The following ZCCHC7 variants were observed in gnomAD, a reference collection of about 807,000 sequenced individuals.
ZCCHC7 encodes zinc finger CCHC domain-containing protein 7.
Under a neutral mutation model 52.0 loss-of-function variants are expected in ZCCHC7, and 35 were observed. The observed-to-expected ratio is 0.67, with a 90% CI of 0.51 to 0.89. The LOEUF (loss-of-function observed/expected upper bound fraction) is 0.89, where lower values mean the gene tolerates loss of function less well. Ranked by LOEUF, ZCCHC7 falls within the 40% of genes least tolerant of loss-of-function variation. The pLI, the probability that ZCCHC7 is intolerant of heterozygous loss-of-function variation, is 0.00. For missense variants in ZCCHC7, 574 were observed against 649.1 expected (o/e 0.88, Z 1.26); for synonymous variants, 217 against 221.5 (o/e 0.98, Z 0.18).
At chr9:37,168,966 A>C (rs990541257) in intron 2 of ZCCHC7, among the ~76,000 whole-genome samples, 6 of 152,192 alleles carry the variant, frequency 3.9e-5, no homozygotes, top group African/African-American at 1.4e-4. Flanking sequence ...ATTTAATTTT[A>C]AAAGTTCCAG....
intron 2 of ZCCHC7, among the ~76,000 whole-genome samples, chr9:37,278,495 C>G (rs1446195134): frequency 6.6e-6 from 1 of 151,926 alleles, no homozygotes; most frequent in Non-Finnish European, 1.5e-5. Flanking sequence ...GAGCAGTGCC[C>G]CAGTGACTCA....
intron 2 of ZCCHC7, among the ~76,000 whole-genome samples, chr9:37,199,686 GTCTTTCTGTCTGTCTTTCTT>G (rs1823513358): frequency 6.7e-6 from 1 of 149,978 alleles, no homozygotes; most frequent in African/African-American, 2.5e-5. Context: ...CTGTCTGTCT[GTCTTTCTGTCTGTCTTTCTT>G]TCTGTCTTTC....
chr9:37,244,513 T>A (rs1011909900), intron 2 of ZCCHC7, among the ~76,000 whole-genome samples: 7 of 151,938 alleles, frequency 4.6e-5, no homozygotes, highest in African/African-American at 9.7e-5. Flanking sequence ...TTAATGTTTT[T>A]AAATATGATT....
chr9:37,157,447 G>A (rs1377312208), intron 2 of ZCCHC7, among the ~76,000 whole-genome samples: 2 of 152,076 alleles, frequency 1.3e-5, no homozygotes, highest in East Asian at 1.9e-4. Context: ...AGCCATGATT[G>A]TGCCACTGCA....
chr9:37,296,894 TGTG>T (rs1828811747), intron 2 of ZCCHC7, among the ~76,000 whole-genome samples: 1 of 147,706 alleles, frequency 6.8e-6, no homozygotes, highest in South Asian at 2.1e-4. Context: ...TGTGTGTGTG[TGTG>T]TGTGTGTGTG....
intron 5 of ZCCHC7, among the ~76,000 whole-genome samples, chr9:37,313,915 G>A (rs536688058): frequency 1.3e-5 from 2 of 152,210 alleles, no homozygotes; most frequent in South Asian, 2.1e-4. Context: ...ATGTCAAAAT[G>A]GACTAATACA....
chr9:37,235,014 A>G (rs961332385), intron 2 of ZCCHC7, among the ~76,000 whole-genome samples: 1 of 152,226 alleles, frequency 6.6e-6, no homozygotes, highest in Admixed American at 6.5e-5. Context: ...CAATACATGT[A>G]TACACTGTAT....
chr9:37,128,132 T>C (rs1263645618), intron 2 of ZCCHC7, among the ~76,000 whole-genome samples: 2 of 152,266 alleles, frequency 1.3e-5, no homozygotes, highest in South Asian at 2.1e-4. Flanking sequence ...AAGAAACTTG[T>C]GAAGGAGAGA....
chr9:37,302,743 C>G (rs1265232872), intron 3 of ZCCHC7, among the ~76,000 whole-genome samples: 1 of 152,166 alleles, frequency 6.6e-6, no homozygotes, highest in Non-Finnish European at 1.5e-5. Context: ...TTCTACCAAA[C>G]AAGCTAAAGC....
chr9:37,277,696 G>A (rs1274450620), intron 2 of ZCCHC7, among the ~76,000 whole-genome samples: 8 of 152,136 alleles, frequency 5.3e-5, no homozygotes, highest in Non-Finnish European at 1.5e-5. Flanking sequence ...CTGATTTGGG[G>A]AATCAGAAAA....
intron 2 of ZCCHC7, among the ~76,000 whole-genome samples, chr9:37,226,094 A>G (rs1825082574): frequency 6.6e-6 from 1 of 152,220 alleles, no homozygotes; most frequent in Non-Finnish European, 1.5e-5. Flanking sequence ...GTTTAGCAAA[A>G]TTTTTTGTAA....
At chr9:37,223,219 A>G (rs972747842) in intron 2 of ZCCHC7, among the ~76,000 whole-genome samples, 6 of 152,346 alleles carry the variant, frequency 3.9e-5, no homozygotes, top group African/African-American at 1.4e-4. Context: ...ATTATTCACA[A>G]TATCCAAAAG....
chr9:37,274,181 G>A (rs964681459), intron 2 of ZCCHC7, among the ~76,000 whole-genome samples: 2 of 151,880 alleles, frequency 1.3e-5, no homozygotes, highest in African/African-American at 4.8e-5. Context: ...TCATTTGTGT[G>A]CTTGCTCACT....
chr9:37,341,587 T>C (rs2118490868), intron 6 of ZCCHC7, among the ~76,000 whole-genome samples: 1 of 152,268 alleles, frequency 6.6e-6, no homozygotes, highest in Middle Eastern at 3.4e-3. Flanking sequence ...TCAGATATGA[T>C]AAGTGCCATG....
At chr9:37,178,197 T>G (rs974278958) in intron 2 of ZCCHC7, among the ~76,000 whole-genome samples, 1 of 152,146 alleles carries the variant, frequency 6.6e-6, no homozygotes, top group Non-Finnish European at 1.5e-5. Flanking sequence ...TCTAGCTAGC[T>G]TTATGAACCC....
intron 2 of ZCCHC7, among the ~76,000 whole-genome samples, chr9:37,158,272 GTAGT>G (rs1322826919): frequency 6.6e-6 from 1 of 152,178 alleles, no homozygotes; most frequent in Non-Finnish European, 1.5e-5. Flanking sequence ...GGATACGTAT[GTAGT>G]TACTTCTTCC....
intron 2 of ZCCHC7, among the ~76,000 whole-genome samples, chr9:37,218,058 G>A (rs537696162): frequency 6.6e-6 from 1 of 152,206 alleles, no homozygotes; most frequent in East Asian, 1.9e-4. Context: ...TTTAGCAGTA[G>A]CCTATGAAAA....
At chr9:37,231,667 C>A (rs1316816706) in intron 2 of ZCCHC7, among the ~76,000 whole-genome samples, 2 of 151,900 alleles carry the variant, frequency 1.3e-5, no homozygotes, top group Non-Finnish European at 2.9e-5. Flanking sequence ...CATTTTTTTT[C>A]ACCCTAATTG....
chr9:37,253,436 G>A (rs1826427287), intron 2 of ZCCHC7, among the ~76,000 whole-genome samples: 2 of 151,786 alleles, frequency 1.3e-5, no homozygotes, highest in African/African-American at 4.8e-5. Context: ...TGAAGTTATA[G>A]CATTTTATGG....
Sources: allele counts gnomAD v4.1 joint callset (sites outside exome capture counted in the v4.1 genomes callset), GRCh38; gene constraint gnomAD v4.1.1; transcripts MANE v1.5; gene names NCBI Gene and HGNC (gene_info 2026-07-23, HGNC 2026-07-21).